The following CDH13 variants were observed in gnomAD, a reference collection of about 807,000 sequenced individuals.
CDH13 encodes cadherin-13.
Under a neutral mutation model 63.8 loss-of-function variants are expected in CDH13, and 24 were observed. That is an observed-to-expected ratio of 0.38 (90% CI 0.27 to 0.53). The LOEUF is 0.53. CDH13 is among the 20% of genes least tolerant of loss of function. The pLI is 0.85. For missense variants in CDH13, 1,049 were observed against 903.1 expected (o/e 1.16, Z -2.07); for synonymous variants, 503 against 355.3 (o/e 1.42, Z -4.67).
chr16:83,534,682 C>T (rs2075149767), intron 7 of CDH13, among the ~76,000 whole-genome samples: 1 of 152,182 alleles, frequency 6.6e-6, no homozygotes, highest in Non-Finnish European at 1.5e-5. Context: ...AATAGTATTC[C>T]ACTGTATGGA....
intron 6 of CDH13, among the ~76,000 whole-genome samples, chr16:83,374,283 C>A (rs1263672096): frequency 1.3e-5 from 2 of 152,190 alleles, no homozygotes; most frequent in African/African-American, 2.4e-5. Flanking sequence ...AGGTTTCTTG[C>A]ATCCATTTAA....
intron 5 of CDH13, among the ~76,000 whole-genome samples, chr16:83,289,620 G>A (rs1425060977): frequency 6.6e-6 from 1 of 151,968 alleles, no homozygotes. Flanking sequence ...ATAATGCCAG[G>A]GACATCTAAG....
chr16:83,127,423 A>C (rs1465119372), intron 4 of CDH13, among the ~76,000 whole-genome samples: 2 of 152,168 alleles, frequency 1.3e-5, no homozygotes, highest in East Asian at 3.9e-4. Flanking sequence ...AACAAAGGTG[A>C]CTTGGACTAT....
intron 2 of CDH13, among the ~76,000 whole-genome samples, chr16:83,001,105 A>G (rs151135128): frequency 0.017 from 2,575 of 152,334 alleles, 69 homozygotes; most frequent in African/African-American, 0.056. Context: ...TTATGTGAGA[A>G]TGTTGTCAAG....
At chr16:83,258,310 C>T (rs2151832888) in intron 5 of CDH13, among the ~76,000 whole-genome samples, 1 of 152,308 alleles carries the variant, frequency 6.6e-6, no homozygotes, top group Admixed American at 6.5e-5. Flanking sequence ...GAAATTGCAG[C>T]ACCCTATTGG....
intron 1 of CDH13, among the ~76,000 whole-genome samples, chr16:82,676,290 T>A (rs1280416879): frequency 6.6e-6 from 1 of 152,164 alleles, no homozygotes; most frequent in South Asian, 2.1e-4. Flanking sequence ...CAATTTAGTG[T>A]GTGATCTTCC....
chr16:83,456,628 G>A (rs1023692384), intron 6 of CDH13, among the ~76,000 whole-genome samples: 2 of 152,150 alleles, frequency 1.3e-5, no homozygotes, highest in African/African-American at 2.4e-5. Flanking sequence ...TCCGGGGCAG[G>A]CTATGTTTAG....
chr16:82,632,029 A>G (rs1026630039), intron 1 of CDH13, among the ~76,000 whole-genome samples: 5 of 152,186 alleles, frequency 3.3e-5, no homozygotes, highest in African/African-American at 1.2e-4. Flanking sequence ...TTGTACATTA[A>G]TAAAAAAGAA....
At chr16:83,472,512 G>A (rs567940724) in intron 6 of CDH13, among the ~76,000 whole-genome samples, 2 of 152,306 alleles carry the variant, frequency 1.3e-5, no homozygotes, top group East Asian at 3.9e-4. Flanking sequence ...TGGAGTCAGG[G>A]CACCGCCGCT....
intron 4 of CDH13, among the ~76,000 whole-genome samples, chr16:83,215,935 C>A (rs930377964): frequency 1.3e-5 from 2 of 151,996 alleles, no homozygotes; most frequent in Non-Finnish European, 2.9e-5. Flanking sequence ...ACTCTAGATT[C>A]CACTTATGCC....
chr16:83,658,072 G>C (rs140970308), intron 8 of CDH13, among the ~76,000 whole-genome samples: 1,505 of 13,242 alleles, frequency 0.11, 19 homozygotes, highest in Non-Finnish European at 0.12. Flanking sequence ...ACCACCAGGT[G>C]CCATGTCCTC....
intron 4 of CDH13, among the ~76,000 whole-genome samples, chr16:83,154,428 G>T (rs909536340): frequency 6.6e-6 from 1 of 152,096 alleles, no homozygotes; most frequent in Admixed American, 6.5e-5. Flanking sequence ...TTAGCAAGGT[G>T]TGGTGGCATA....
rs568385789 is a variant in CDH13, at chr16:82,675,661, C to G, written c.45+48524C>G. ...CGGAGGCCACCAAACCTGCTGGACT[C>G]ACGTTCCTGCTTTTGGCAAGCAAAG... On this transcript the variant is annotated intron_variant, in intron 1 of 13. Transcript: ENST00000567109. Among the ~76,000 whole-genome samples, 3 of 152,316 alleles carry G rather than the reference C, an allele frequency of 2.0e-5. No individual in the cohort carries two copies. The South Asian group carries it at 6.2e-4, about 32-fold the overall frequency.
chr16:82,722,329 C>CT (rs1251602675), intron 1 of CDH13, among the ~76,000 whole-genome samples: 1 of 152,138 alleles, frequency 6.6e-6, no homozygotes, highest in Admixed American at 6.5e-5. Context: ...TCTATGGTGA[C>CT]TTCACTCTCA....
At chr16:83,181,064 T>C in intron 4 of CDH13, 2 of 1,426,752 alleles carry the variant, frequency 1.4e-6, no homozygotes, top group East Asian at 5.0e-5. Context: ...TACAGAATGA[T>C]GTGTTTAAAT....
chr16:83,210,099 C>G (rs1332331920), intron 4 of CDH13, among the ~76,000 whole-genome samples: 1 of 152,086 alleles, frequency 6.6e-6, no homozygotes, highest in African/African-American at 2.4e-5. Context: ...GAGTCTCGCT[C>G]TGTCATCCAG....
At chr16:83,519,556 C>T (rs887429653) in intron 7 of CDH13, among the ~76,000 whole-genome samples, 2 of 152,188 alleles carry the variant, frequency 1.3e-5, no homozygotes, top group African/African-American at 2.4e-5. Context: ...GAGTATTAGA[C>T]TAATCCAGTT....
intron 1 of CDH13, among the ~76,000 whole-genome samples, chr16:82,639,803 C>A (rs1279982130): frequency 2.0e-5 from 3 of 152,220 alleles, no homozygotes; most frequent in African/African-American, 7.2e-5. Context: ...CCGTACTAGC[C>A]ACAGAGCAGC....
chr16:82,786,716 C>T (rs1567533006), intron 1 of CDH13, among the ~76,000 whole-genome samples: 1 of 146,684 alleles, frequency 6.8e-6, no homozygotes. Flanking sequence ...CAAGCGTTCT[C>T]ATTGTTCAAT....
Sources: gnomAD v4.1 joint callset for allele counts (sites outside exome capture counted in the v4.1 genomes callset) on GRCh38, gnomAD v4.1.1 for gene constraint, MANE v1.5 for transcripts, NCBI Gene and HGNC (gene_info 2026-07-23, HGNC 2026-07-21) for gene names.